The following CNOT3 variants were observed in gnomAD, a reference collection of about 807,000 sequenced individuals.
CNOT3 encodes the protein CCR4-NOT transcription complex subunit 3.
In CNOT3, 2 loss-of-function variants were observed where a neutral mutation model predicts 89.4. That is an observed-to-expected ratio of 0.02 (90% confidence interval 0.01 to 0.07). The LOEUF is 0.07. CNOT3 is among the 10% of genes least tolerant of loss of function. The probability of loss-of-function intolerance (pLI) is 1.00; values close to 1 mark genes in which losing one functional copy is unlikely to be tolerated. For synonymous variants in CNOT3, 486 were observed against 402.0 expected (o/e 1.21, Z -2.50); for missense variants, 664 against 1,010.2 (o/e 0.66, Z 4.65).
At chr19:54,154,030 C>A in intron 17 of CNOT3, 190 bp downstream of exon 17, 1 of 778,904 alleles carries the variant, frequency 1.3e-6, no homozygotes, top group Non-Finnish European at 2.3e-6. Flanking sequence ...CTCCACTTGG[C>A]CAGCTCCTAG....
At chr19:54,154,990 G>T (rs371001261) in intron 17 of CNOT3, 5 of 437,602 alleles carry the variant, frequency 1.1e-5, no homozygotes, top group Non-Finnish European at 1.6e-5. Context: ...CTGTACTCAC[G>T]TGAGAGGTGC....
chr19:54,151,745 G>A lies in CNOT3; in HGVS notation c.1606-481G>A, dbSNP rs148036069. On this transcript the variant is annotated intron_variant, in intron 13 of 17. Transcript: ENST00000221232. ...CCAGCAAGGAGACTGAAGCCTAGCC[G>A]GGCTGGGCCCACCCCGATTCCAGTC... Among the ~76,000 whole-genome samples the A allele has an allele frequency of 2.0e-3, 302 of 152,274 alleles. 3 individuals are homozygous for A. The highest frequency in any genetic ancestry group is 6.8e-3 in the African/African-American group (281 of 41,552).
rs769899630 is a variant in CNOT3 at position 54,145,936 on chromosome 19, C to A, written c.730C>A (p.Pro244Thr). ...IPQALVATSP[P>T]SHSHMEDEIF... The stretch of plus-strand genomic sequence containing the variant: ...ACAGGCGCTGGTCGCCACCTCCCCC[C>A]CCAGCCACAGCCACATGGAGGATGA... The change falls in exon 9 of 18, where the codon CCC becomes ACC. Residue 244 changes from proline to threonine, a missense_variant. By Grantham distance (38) the Pro-to-Thr change is conservative (BLOSUM62 -1). Coordinates refer to ENST00000221232, the MANE Select transcript of CNOT3 (RefSeq NM_014516.4). This position sits in a 1 kb window ranked among gnomAD's most constrained non-coding sequence, Gnocchi z 5.9. 2.9e-5 allele frequency: 46 copies of A among 1,613,824 alleles called. No individual in the cohort carries two copies. The highest frequency in any genetic ancestry group is 6.7e-5 in the East Asian group (3 of 44,882).
At chr19:54,138,207 C>T (rs1423368056) in intron 1 of CNOT3, among the ~76,000 whole-genome samples, 1 of 151,924 alleles carries the variant, frequency 6.6e-6, no homozygotes, top group African/African-American at 2.4e-5. Context: ...GCCTCTTTCA[C>T]GTTCCTCAGC....
rs1385095204 is a variant in CNOT3 at position 54,155,638 on chromosome 19, A to G, written c.*231A>G. 1.9e-5 allele frequency: 26 copies of G among 1,359,946 alleles called. No homozygotes were observed. Among genetic ancestry groups the G allele is most frequent in the Non-Finnish European group, 2.4e-5 (24 of 1,000,548 alleles). The allele number at this position is 1,359,946 out of a possible 1,614,324, so 84.2% of individuals were successfully genotyped here. On this transcript the variant is annotated 3_prime_UTR_variant, in exon 18 of 18. Transcript: ENST00000221232. ...GTGAGGGACATTTTTTGGTAAACCT[A>G]TTTTCATTTTGGAAAATATTTATGA...
intron 13 of CNOT3, among the ~76,000 whole-genome samples, chr19:54,150,961 T>TTA: frequency 6.6e-6 from 1 of 152,070 alleles, no homozygotes; most frequent in Middle Eastern, 3.4e-3. Flanking sequence ...AGGCTAATTT[T>TTA]TATATTTTTA....
intron 10 of CNOT3, among the ~76,000 whole-genome samples, chr19:54,147,304 A>G (rs1345219170): frequency 1.3e-5 from 2 of 152,196 alleles, no homozygotes. Context: ...GGCTAACGGG[A>G]TGGATGGTTC....
chr19:54,141,041 C>G (rs765449025), intron 1 of CNOT3, among the ~76,000 whole-genome samples: 7 of 152,190 alleles, frequency 4.6e-5, no homozygotes, highest in Admixed American at 6.5e-5. Flanking sequence ...GTTTCACATT[C>G]TTGTTCCCCC....
chr19:54,154,071 T>C (rs1402662193), intron 17 of CNOT3: 1 of 711,180 alleles, frequency 1.4e-6, no homozygotes, highest in South Asian at 1.5e-5. Flanking sequence ...CAAATGTCCC[T>C]TCCTCAAAGA....
rs1195693131 is a variant in CNOT3, at chr19:54,149,740, C to T, written c.1587C>T (p.Ser529=). 1 of 1,610,540 alleles carries T rather than the reference C, an allele frequency of 6.2e-7. No homozygotes were observed. The highest frequency in any genetic ancestry group is 8.5e-7 in the Non-Finnish European group (1 of 1,177,954). The change falls in exon 13 of 18, where the codon AGC becomes AGT. Residue 529 remains serine (S), a synonymous_variant. Transcript: ENST00000221232. ...TGCTCAATGGGCCTCCACAGTTCAG[C>T]ACCGCCCCAGAAATCAAGGTGGGCT... is the stretch of plus-strand genomic sequence containing the variant. ...GALLNGPPQF[S]TAPEIKAPEP...
At chr19:54,151,295 C>T (rs1417586545) in intron 13 of CNOT3, among the ~76,000 whole-genome samples, 1 of 152,108 alleles carries the variant, frequency 6.6e-6, no homozygotes, top group African/African-American at 2.4e-5. Flanking sequence ...GAAAGGTCCC[C>T]TGGGGCTGGT....
At chr19:54,146,527 C>T in intron 9 of CNOT3, 74 bp from the exon 10 acceptor site, 1 of 808,482 alleles carries the variant, frequency 1.2e-6, no homozygotes, top group South Asian at 1.3e-5. Context: ...GTCCCCGGGG[C>T]ATTCAGAGAT....
At chr19:54,153,089 G>A in intron 16 of CNOT3, 90 bp downstream of exon 16, 1 of 1,409,052 alleles carries the variant, frequency 7.1e-7, no homozygotes, top group Non-Finnish European at 9.9e-7. Flanking sequence ...TGAGGTGGGT[G>A]CCCCACTGCG....
At chr19:54,139,113 C>G (rs1319129792) in intron 1 of CNOT3, among the ~76,000 whole-genome samples, 2 of 152,178 alleles carry the variant, frequency 1.3e-5, no homozygotes, top group Non-Finnish European at 2.9e-5. Context: ...CAGCACCAGC[C>G]CCTCTTTCTG....
Position 54,145,968 on chromosome 19 carries a change from C to T in CNOT3, c.762C>T (p.Phe254=). The change falls in exon 9 of 18, where the codon TTC becomes TTT. Residue 254 remains phenylalanine, a synonymous_variant. Coordinates refer to ENST00000221232, the MANE Select transcript of CNOT3 (RefSeq NM_014516.4). The surrounding 1 kb of genome is among the most constrained non-coding windows in gnomAD (Gnocchi z 5.9). ...ACAGCCACATGGAGGATGAGATCTT[C>T]AACCAGTCCAGCAGCACGCCCACCT... ...PSHSHMEDEI[F]NQSSSTPTST... 1.2e-6 allele frequency: 2 copies of T among 1,614,006 alleles called. No homozygotes were observed. The highest frequency in any genetic ancestry group is 1.7e-6 in the Non-Finnish European group (2 of 1,179,948).
In CNOT3 at chr19:54,149,585, A is replaced by C. The variant is rs377579474; in HGVS notation, c.1432A>C (p.Thr478Pro). 1 of 1,601,556 alleles carries C rather than the reference A, an allele frequency of 6.2e-7. No individual in the cohort carries two copies. Among genetic ancestry groups the C allele is most frequent in the South Asian group, 1.1e-5 (1 of 89,802 alleles). ...GAAGGAACCCAGTGCGGCAGCCCCA[A>C]CGGGGGCTGGGGGCGTGGCCCCAGG... is the stretch of plus-strand genomic sequence containing the variant. ...TSKEPSAAAP[T>P]GAGGVAPGSG... The change falls in exon 13 of 18, where the codon ACG (threonine) becomes CCG (proline). Residue 478 changes from threonine (T) to proline (P), a missense_variant. Physicochemically the swap from Thr to Pro is conservative, Grantham distance 38 (BLOSUM62 -1). Around this residue, in one of 8 missense-constraint regions of CNOT3, gnomAD observed 545 missense variants for 566.2 expected, o/e 0.96. Transcript: ENST00000221232.
At position 54,148,266 on chromosome 19, in the gene CNOT3, C is replaced by T. The variant is rs752733160; in HGVS notation, c.1013C>T (p.Pro338Leu). The change falls in exon 11 of 18, where the codon CCT (proline) becomes CTT (leucine). Residue 338 changes from proline (P) to leucine (L), a missense_variant. Physicochemically the swap from Pro to Leu is moderately conservative, Grantham distance 98. This residue lies in a region of CNOT3 where 545 missense variants were observed against 566.2 expected (regional missense o/e 0.96). Coordinates refer to ENST00000221232, the MANE Select transcript of CNOT3 (RefSeq NM_014516.4). This position sits in a 1 kb window ranked among gnomAD's most constrained non-coding sequence, Gnocchi z 6.3. ...GCTGCCTCTGCCTTGAGCACCACTC[C>T]TGGCAACAATGGGGTCCCCGCCCCC... ...PPAASALSTTPGNNGVPAPAA... is the reference protein window; with the variant it reads ...PPAASALSTTLGNNGVPAPAA... 4.4e-6 allele frequency: 7 copies of T among 1,608,264 alleles called. No homozygotes were observed. Among genetic ancestry groups the T allele is most frequent in the Non-Finnish European group, 5.1e-6 (6 of 1,176,744 alleles).
At chr19:54,149,381 T>C (rs1221730366) in intron 12 of CNOT3, among the ~76,000 whole-genome samples, 179 bp from the exon 13 acceptor site, 1 of 152,134 alleles carries the variant, frequency 6.6e-6, no homozygotes, top group Non-Finnish European at 1.5e-5. Flanking sequence ...ATTCCAAAGA[T>C]TGGGCTCTGC....
chr19:54,152,443 G>A lies in CNOT3; in HGVS notation c.1721G>A (p.Ser574Asn). The A allele has an allele frequency of 1.9e-6, 3 of 1,614,174 alleles. No individual in the cohort carries two copies. In the South Asian group the frequency reaches 3.3e-5, roughly 18 times the overall value. The change falls in exon 15 of 18, where the codon AGT becomes AAT. Residue 574 changes from serine to asparagine, a missense_variant. Transcript: ENST00000221232. Reference sequence around the variant, plus strand: ...CTCCCCACAGACATCATCCTGAGCAGTACATCAGCACCTCCGGCCTCAGCC... The same window carrying A: ...CTCCCCACAGACATCATCCTGAGCAATACATCAGCACCTCCGGCCTCAGCC... Reference protein sequence around the residue: ...HLTERDIILSSTSAPPASAQP... With the variant: ...HLTERDIILSNTSAPPASAQP...
Sources: gnomAD v4.1 joint callset for allele counts (sites outside exome capture counted in the v4.1 genomes callset) on GRCh38, gnomAD v4.1.1 for gene constraint, gnomAD v4.1.1 regional missense constraint, Gnocchi (gnomAD v3.1) non-coding constraint, MANE v1.5 for transcripts, NCBI Gene and HGNC (gene_info 2026-07-23, HGNC 2026-07-21) for gene names.